Variants in SNX32 observed in about 807,000 individuals in gnomAD.
SNX32 encodes sorting nexin 32, also known as sorting nexin-32.
SNX32 carries 58 observed loss-of-function variants against 57.0 expected under a neutral mutation model. The ratio of observed to expected loss-of-function variants is 1.02; its 90% confidence interval spans 0.82 to 1.27. SNX32 has a LOEUF of 1.27. Ranked by LOEUF, SNX32 falls within the 50% of genes most tolerant of loss-of-function variation. The pLI, the probability that SNX32 is intolerant of heterozygous loss-of-function variation, is 0.00. For synonymous variants in SNX32, 262 were observed against 220.4 expected, an observed-to-expected ratio of 1.19 and a Z score of -1.67; for missense variants, 589 against 541.2, an observed-to-expected ratio of 1.09 and a Z score of -0.88.
chr11:65,852,811 C>T (rs980033938), intron 11 of SNX32, 22 bp downstream of exon 11: 14 of 1,611,276 alleles, frequency 8.7e-6, no homozygotes, highest in Non-Finnish European at 1.2e-5. Flanking sequence ...GCCCCCAGCC[C>T]CAGCCTGGGG....
chr11:65,850,039 G>T lies in SNX32; in HGVS notation c.252+9G>T, dbSNP rs778876416. The T allele has an allele frequency of 1.9e-6, 3 of 1,614,138 alleles. No homozygotes were observed. Among genetic ancestry groups the T allele is most frequent in the East Asian group, 4.5e-5 (2 of 44,882 alleles). ...AGTACGCCGGCCTCATCGTGAGGAG[G>T]GGCTGGGCAGGGGCTGGGAGGGACA... On this transcript the variant is annotated intron_variant, in intron 3 of 12. Coordinates refer to ENST00000308342, the MANE Select transcript of SNX32 (RefSeq NM_152760.3).
At position 65,850,290 on chromosome 11, in the gene SNX32, C is replaced by G; in HGVS notation, c.374+19C>G. The G allele has an allele frequency of 1.2e-6, 2 of 1,614,124 alleles. No individual in the cohort carries two copies. Among genetic ancestry groups the G allele is most frequent in the South Asian group, 1.1e-5 (1 of 91,072 alleles). On this transcript the variant is annotated intron_variant, in intron 4 of 12. Transcript: ENST00000308342. ...TGGAAGCGTGAGTGCCCCCTCCTTT[C>G]CCTGCCATCCCCAGAGTCCAGATGT...
chr11:65,850,123 T>A (rs1353023584), intron 3 of SNX32, 27 bp from the exon 4 acceptor site: 10 of 1,614,072 alleles, frequency 6.2e-6, no homozygotes, highest in Admixed American at 1.7e-5. Context: ...GTGAGAGGCC[T>A]CCCAGCTCCG....
chr11:65,835,098 C>G (rs1332054094), intron 1 of SNX32, among the ~76,000 whole-genome samples: 2 of 150,358 alleles, frequency 1.3e-5, no homozygotes, highest in Non-Finnish European at 1.5e-5. Flanking sequence ...TCTCGTGTGT[C>G]TGTGTGTGTG....
At chr11:65,852,038 T>C (rs1038700159) in intron 9 of SNX32, among the ~76,000 whole-genome samples, 1 of 152,136 alleles carries the variant, frequency 6.6e-6, no homozygotes, top group Non-Finnish European at 1.5e-5. Flanking sequence ...AGTGTTGCCA[T>C]CTTCCTAAAA....
rs548963204 is a variant in SNX32, at chr11:65,836,636, A to G, written c.36+2535A>G. Among the ~76,000 whole-genome samples, 4 of 152,342 alleles carry G rather than the reference A, an allele frequency of 2.6e-5. No homozygotes were observed. In the East Asian group the frequency reaches 5.8e-4, roughly 22 times the overall value. On this transcript the variant is annotated intron_variant, in intron 1 of 12. Transcript: ENST00000308342. Reference sequence around the variant, plus strand: ...GTTGCAGCACTATTTACAATAGCAAAGACTTGGAACCAACCCAAATGCCCA... The same window carrying G: ...GTTGCAGCACTATTTACAATAGCAAGGACTTGGAACCAACCCAAATGCCCA...
At chr11:65,852,318 TC>T (rs1859225866) in intron 9 of SNX32, 146 bp from the exon 10 acceptor site, 2 of 717,166 alleles carry the variant, frequency 2.8e-6, no homozygotes, top group Non-Finnish European at 2.5e-6. Flanking sequence ...TGTGAAGCCT[TC>T]CCTGGCCTGC....
chr11:65,852,652 G>A lies in SNX32; in HGVS notation c.935G>A (p.Arg312Gln), dbSNP rs772569166. The A allele has an allele frequency of 9.4e-5, 151 of 1,604,394 alleles. No homozygotes were observed. Among genetic ancestry groups the A allele is most frequent in the East Asian group, 2.9e-4 (13 of 44,540 alleles). ...TAGGACCTGCTGTACCGGCGGCTGCGGGCACTGGCCGACTACGAGAATGCC... is the reference window on the plus strand; with the variant it reads ...TAGGACCTGCTGTACCGGCGGCTGCAGGCACTGGCCGACTACGAGAATGCC... ...AAKDLLYRRL[R>Q]ALADYENANK... The change falls in exon 11 of 13, where the codon CGG (arginine) becomes CAG (glutamine). Residue 312 changes from arginine to glutamine, a missense_variant. Transcript: ENST00000308342.
chr11:65,844,294 C>A (rs1858926444), intron 1 of SNX32, among the ~76,000 whole-genome samples: 1 of 151,956 alleles, frequency 6.6e-6, no homozygotes, highest in African/African-American at 2.4e-5. Context: ...AAACATAGAC[C>A]AATGGAACAG....
chr11:65,843,620 T>C (rs913500832), intron 1 of SNX32, among the ~76,000 whole-genome samples: 1 of 152,160 alleles, frequency 6.6e-6, no homozygotes, highest in African/African-American at 2.4e-5. Context: ...CTGCAAGAGC[T>C]TAAACTGTAA....
chr11:65,853,090 G>A (rs1859274385), intron 12 of SNX32, 132 bp downstream of exon 12: 1 of 1,279,264 alleles, frequency 7.8e-7, no homozygotes. Flanking sequence ...CATGAGAGGA[G>A]CCCCAGCTAA....
At chr11:65,840,081 G>C (rs1328962614) in intron 1 of SNX32, among the ~76,000 whole-genome samples, 1 of 152,022 alleles carries the variant, frequency 6.6e-6, no homozygotes, top group Non-Finnish European at 1.5e-5. Flanking sequence ...CTTGAACCTG[G>C]GAGGCGGAGG....
At chr11:65,841,960 C>G (rs1259298698) in intron 1 of SNX32, among the ~76,000 whole-genome samples, 2 of 151,952 alleles carry the variant, frequency 1.3e-5, no homozygotes, top group Non-Finnish European at 2.9e-5. Flanking sequence ...CAAGATTGAT[C>G]TATATATTTG....
In SNX32 at chr11:65,850,272, G is replaced by T. The variant is rs747036673; in HGVS notation, c.374+1G>T. The T allele has an allele frequency of 9.3e-6, 15 of 1,614,070 alleles. No individual in the cohort carries two copies. The highest frequency in any genetic ancestry group is 1.2e-5 in the Non-Finnish European group (14 of 1,180,050). On this transcript the variant is annotated splice_donor_variant, in intron 4 of 12. Transcript: ENST00000308342. LOFTEE classifies it high-confidence loss of function. Reference sequence around the variant, plus strand: ...CCAAGATGAAGCAGGAGCTGGAAGCGTGAGTGCCCCCTCCTTTCCCTGCCA... The same window carrying T: ...CCAAGATGAAGCAGGAGCTGGAAGCTTGAGTGCCCCCTCCTTTCCCTGCCA...
chr11:65,851,456 TC>T, intron 8 of SNX32, 53 bp downstream of exon 8: 1 of 1,594,116 alleles, frequency 6.3e-7, no homozygotes, highest in Non-Finnish European at 8.6e-7. Context: ...TACCATGTCT[TC>T]CCATGAGGGG....
intron 1 of SNX32, among the ~76,000 whole-genome samples, chr11:65,846,196 G>C (rs1312850331): frequency 6.6e-6 from 1 of 152,146 alleles, no homozygotes; most frequent in Non-Finnish European, 1.5e-5. Flanking sequence ...CCATAAGCCT[G>C]AGTGGTAGAG....
rs1555032605 is a variant in SNX32, at chr11:65,839,215, A to ATTTTTTTTT, written c.36+5121_36+5122insTTTTTTTTT. Among the ~76,000 whole-genome samples, 21 of 19,528 alleles carry ATTTTTTTTT rather than the reference A, an allele frequency of 1.1e-3. 2 individuals are homozygous for ATTTTTTTTT. Among genetic ancestry groups the ATTTTTTTTT allele is most frequent in the Non-Finnish European group, 2.3e-3 (19 of 8,374 alleles). 12.8% of individuals were successfully genotyped at this position (19,528 alleles called of 152,430 possible). ...AGCTGTGCCCCACCACGCCCAGCTA[A>ATTTTTTTTT]TTTTTTTGTATTTTTTTTTTTTTTT... On this transcript the variant is annotated intron_variant, in intron 1 of 12. Transcript: ENST00000308342.
Position 65,852,633 on chromosome 11 carries a change from C to CT in SNX32, c.917dup (p.Leu307AlafsTer70). On this transcript the variant is annotated frameshift_variant, in exon 11 of 13. Coordinates refer to ENST00000308342, the MANE Select transcript of SNX32 (RefSeq NM_152760.3). LOFTEE classifies it high-confidence loss of function. ...GACCCTGTGCCCATGGTCCTAGGAC[C>CT]TGCTGTACCGGCGGCTGCGGGCACT... is the stretch of plus-strand genomic sequence containing the variant. The CT allele has an allele frequency of 6.2e-7, 1 of 1,611,410 alleles. No homozygotes were observed. Among genetic ancestry groups the CT allele is most frequent in the East Asian group, 2.2e-5 (1 of 44,814 alleles).
At position 65,852,917 on chromosome 11, in the gene SNX32, AATCT is replaced by A. The variant is rs758040391; in HGVS notation, c.1118_1121del (p.Asn373ThrfsTer17). On this transcript the variant is annotated frameshift_variant, in exon 12 of 13. Transcript: ENST00000308342. LOFTEE classifies it high-confidence loss of function. ...CCGCCGGGTCTCCTCTTTTCGAAAGAATCTCATTGAGCTGGCAGAGCTGGAGCTC... is the reference window on the plus strand; with the variant it reads ...CCGCCGGGTCTCCTCTTTTCGAAAGACATTGAGCTGGCAGAGCTGGAGCTC... 8.1e-6 allele frequency: 13 copies of A among 1,614,072 alleles called. No individual in the cohort carries two copies. In the South Asian group the frequency reaches 1.3e-4, roughly 16 times the overall value.
Sources: gnomAD v4.1 joint callset for allele counts (sites outside exome capture counted in the v4.1 genomes callset) on GRCh38, gnomAD v4.1.1 for gene constraint, MANE v1.5 for transcripts, NCBI Gene and HGNC (gene_info 2026-07-23, HGNC 2026-07-21) for gene names.